Variants in CEP128 observed in about 807,000 individuals in gnomAD.
The protein encoded by CEP128 is centrosomal protein 128.
A neutral mutation model predicts 156.7 loss-of-function variants in CEP128; 132 were observed. The observed-to-expected ratio is 0.84, with a 90% CI of 0.73 to 0.97. CEP128 has a LOEUF of 0.97. Ranked by LOEUF, CEP128 falls within the 50% of genes least tolerant of loss-of-function variation. CEP128 has a pLI of 0.00. For missense variants in CEP128, 1,252 were observed against 1,281.9 expected (o/e 0.98, Z 0.36); for synonymous variants, 469 against 448.9 (o/e 1.04, Z -0.57).
intron 19 of CEP128, among the ~76,000 whole-genome samples, chr14:80,585,173 T>C (rs958937744): frequency 1.3e-5 from 2 of 152,248 alleles, no homozygotes; most frequent in African/African-American, 4.8e-5. Flanking sequence ...CAGAACATCA[T>C]GGATGAGAAT....
intron 2 of CEP128, among the ~76,000 whole-genome samples, chr14:80,956,995 T>A (rs894159442): frequency 2.6e-5 from 4 of 152,112 alleles, no homozygotes; most frequent in Admixed American, 2.6e-4. Context: ...AGAATAAAAT[T>A]CTTTTGTGCA....
At chr14:80,885,627 T>A (rs899473061) in intron 8 of CEP128, among the ~76,000 whole-genome samples, 3 of 151,988 alleles carry the variant, frequency 2.0e-5, no homozygotes, top group Non-Finnish European at 4.4e-5. Context: ...CCAAAGGCCA[T>A]CAGCATCAAA....
chr14:80,770,703 T>G (rs932310688), intron 16 of CEP128, among the ~76,000 whole-genome samples: 41 of 152,186 alleles, frequency 2.7e-4, no homozygotes, highest in African/African-American at 9.6e-4. Flanking sequence ...ACTTAGAGTA[T>G]CTGGTTTAAA....
intron 19 of CEP128, among the ~76,000 whole-genome samples, chr14:80,637,899 C>G (rs930067541): frequency 2.0e-5 from 3 of 152,260 alleles, no homozygotes; most frequent in Admixed American, 6.5e-5. Flanking sequence ...CAAGAAATGC[C>G]AGCAGTCACC....
intron 20 of CEP128, among the ~76,000 whole-genome samples, chr14:80,568,023 A>C (rs963943248): frequency 1.2e-4 from 18 of 152,194 alleles, no homozygotes; most frequent in African/African-American, 3.9e-4. Context: ...TCCTATGCAA[A>C]TCATATTGCA....
At chr14:80,542,503 G>T (rs952253756) in intron 21 of CEP128, among the ~76,000 whole-genome samples, 1 of 152,184 alleles carries the variant, frequency 6.6e-6, no homozygotes, top group Non-Finnish European at 1.5e-5. Context: ...AAAGAAGAAT[G>T]AGGGGATGGT....
At chr14:80,533,625 C>G (rs928032707) in intron 21 of CEP128, among the ~76,000 whole-genome samples, 1 of 151,944 alleles carries the variant, frequency 6.6e-6, no homozygotes, top group Non-Finnish European at 1.5e-5. Context: ...CTCCTTGACT[C>G]CTTCTTTTCT....
At chr14:80,725,339 C>T (rs866837270) in intron 19 of CEP128, among the ~76,000 whole-genome samples, 98 of 151,748 alleles carry the variant, frequency 6.5e-4, no homozygotes, top group African/African-American at 2.2e-3. Context: ...CCCACCATGA[C>T]GCCCGGCTAA....
At chr14:80,681,412 GA>G (rs1896319692) in intron 19 of CEP128, among the ~76,000 whole-genome samples, 1 of 152,112 alleles carries the variant, frequency 6.6e-6, no homozygotes, top group Non-Finnish European at 1.5e-5. Flanking sequence ...AACCAAAATG[GA>G]AACTCAGAAA....
intron 17 of CEP128, 62 bp from the exon 18 acceptor site, chr14:80,757,013 G>A (rs538146863): frequency 8.9e-7 from 1 of 1,119,810 alleles, no homozygotes; most frequent in African/African-American, 1.6e-5. Context: ...ATATATAAAT[G>A]AAATTCTTCA....
intron 9 of CEP128, among the ~76,000 whole-genome samples, chr14:80,844,453 A>G (rs559124546): frequency 9.9e-5 from 15 of 152,256 alleles, no homozygotes; most frequent in African/African-American, 3.6e-4. Flanking sequence ...CTATTATGAT[A>G]CCATACATAC....
chr14:80,861,829 C>G (rs1448570967), intron 9 of CEP128, among the ~76,000 whole-genome samples: 1 of 152,130 alleles, frequency 6.6e-6, no homozygotes, highest in African/African-American at 2.4e-5. Flanking sequence ...AGAAAACATA[C>G]ATATCAAATT....
At chr14:80,718,824 A>G (rs1339456145) in intron 19 of CEP128, among the ~76,000 whole-genome samples, 2 of 152,216 alleles carry the variant, frequency 1.3e-5, no homozygotes, top group South Asian at 2.1e-4. Context: ...CTAAATAGGT[A>G]CATGGGCTTA....
At chr14:80,483,749 G>C (rs573037486) in intron 14 of CEP128, among the ~76,000 whole-genome samples, 1 of 152,310 alleles carries the variant, frequency 6.6e-6, no homozygotes, top group Admixed American at 6.5e-5. Flanking sequence ...TTTCTTCAAA[G>C]AGGTTACTGT....
intron 19 of CEP128, among the ~76,000 whole-genome samples, chr14:80,668,471 T>C (rs1242119778): frequency 1.3e-5 from 2 of 152,000 alleles, no homozygotes; most frequent in East Asian, 3.9e-4. Flanking sequence ...AATTAGAAAA[T>C]GACAAGGTTG....
chr14:80,791,625 T>C (rs890193860), intron 14 of CEP128, among the ~76,000 whole-genome samples: 2 of 152,144 alleles, frequency 1.3e-5, no homozygotes, highest in African/African-American at 2.4e-5. Context: ...GATAGAGCAA[T>C]TTCCTGGGAT....
At chr14:80,562,556 T>C (rs1245972775) in intron 20 of CEP128, among the ~76,000 whole-genome samples, 1 of 152,010 alleles carries the variant, frequency 6.6e-6, no homozygotes, top group African/African-American at 2.4e-5. Flanking sequence ...CTGTTTTTGG[T>C]AAACAAAGTT....
intron 19 of CEP128, among the ~76,000 whole-genome samples, chr14:80,669,005 T>G (rs1337616694): frequency 6.6e-6 from 1 of 152,214 alleles, no homozygotes; most frequent in African/African-American, 2.4e-5. Flanking sequence ...GTGAGTCAAT[T>G]AAACCTCTTT....
At chr14:80,886,148 G>C (rs761450353) in intron 8 of CEP128, among the ~76,000 whole-genome samples, 3 of 152,136 alleles carry the variant, frequency 2.0e-5, no homozygotes, top group Non-Finnish European at 4.4e-5. Flanking sequence ...CCAAACCTAT[G>C]TTTCATTGGT....
Sources: gnomAD v4.1 joint callset for allele counts (sites outside exome capture counted in the v4.1 genomes callset) on GRCh38, gnomAD v4.1.1 for gene constraint, MANE v1.5 for transcripts, NCBI Gene and HGNC (gene_info 2026-07-23, HGNC 2026-07-21) for gene names.